RBM44: variants seen among roughly 807,000 people sequenced by gnomAD.
RBM44 encodes RNA binding motif protein 44.
In RBM44, 66 loss-of-function variants were observed where a neutral mutation model predicts 105.1. The ratio of observed to expected loss-of-function variants is 0.63; its 90% confidence interval spans 0.52 to 0.77. The LOEUF (loss-of-function observed/expected upper bound fraction) is 0.77, where lower values mean the gene tolerates loss of function less well. Ranked by LOEUF, RBM44 falls within the 30% of genes least tolerant of loss-of-function variation. The pLI is 0.00. For synonymous variants in RBM44, 365 were observed against 417.6 expected, an observed-to-expected ratio of 0.87 and a Z score of 1.54; for missense variants, 1,122 against 1,207.8, an observed-to-expected ratio of 0.93 and a Z score of 1.05.
At chr2:237,800,550 G>T (rs1054085063) in intron 1 of RBM44, among the ~76,000 whole-genome samples, 3 of 152,190 alleles carry the variant, frequency 2.0e-5, no homozygotes, top group African/African-American at 7.2e-5. Flanking sequence ...AGATAGTGTT[G>T]CTCTTCTCAC....
chr2:237,839,702 C>T (rs570970191), intron 15 of RBM44, among the ~76,000 whole-genome samples: 4 of 152,128 alleles, frequency 2.6e-5, no homozygotes, highest in South Asian at 2.1e-4. Flanking sequence ...TAGAAGAAAA[C>T]GGTGGAAAAC....
Position 237,834,351 on chromosome 2 carries a change from A to G in RBM44, c.3106A>G (p.Thr1036Ala), listed in dbSNP as rs1385504316. 1 of 1,555,232 alleles carries G rather than the reference A, an allele frequency of 6.4e-7. No homozygotes were observed. Among genetic ancestry groups the G allele is most frequent in the Non-Finnish European group, 8.7e-7 (1 of 1,149,214 alleles). ...TTTTCTGAATGGCTTATCTATTACT[A>G]CTATTGTGGAGATGACTTCATCTCT... is the stretch of plus-strand genomic sequence containing the variant. ...KGFLNGLSIT[T>A]IVEMTSSLLK... Residue 1036 changes from threonine (T) to alanine (A), a missense_variant, in exon 15 of 16, where the codon ACT becomes GCT. Transcript: ENST00000316997.
At chr2:237,813,739 G>T in intron 2 of RBM44, 57 bp downstream of exon 2, 2 of 1,133,460 alleles carry the variant, frequency 1.8e-6, no homozygotes, top group Non-Finnish European at 2.7e-6. Context: ...TAAATGTATT[G>T]TGCCAGACAG....
chr2:237,821,654 T>G, intron 7 of RBM44, 89 bp from the exon 8 acceptor site: 1 of 907,434 alleles, frequency 1.1e-6, no homozygotes, highest in South Asian at 1.5e-5. Context: ...CTCTTTTAGC[T>G]ACTTTGAAAT....
intron 1 of RBM44, among the ~76,000 whole-genome samples, chr2:237,812,722 G>A (rs2061672008): frequency 1.3e-5 from 2 of 152,130 alleles, no homozygotes; most frequent in Non-Finnish European, 2.9e-5. Flanking sequence ...GTGACAATAA[G>A]TAGGGGACAG....
intron 2 of RBM44, 142 bp downstream of exon 2, chr2:237,813,824 C>G: frequency 5.0e-6 from 3 of 594,238 alleles, no homozygotes. Flanking sequence ...TTTAACTTGC[C>G]AAATTGACTC....
Position 237,818,611 on chromosome 2 carries a change from A to T in RBM44, c.1677+15A>T, listed in dbSNP as rs1430982502. 1.0e-5 allele frequency: 15 copies of T among 1,451,066 alleles called. No individual in the cohort carries two copies. In the Admixed American group the frequency reaches 4.0e-4, roughly 39 times the overall value. 89.9% of individuals were successfully genotyped at this position (1,451,066 alleles called of 1,614,324 possible). ...TTCTAAATAAGGTAAAATCAATATGAGTAATAATAAAATTTGGACTTTATA... is the reference window on the plus strand; with the variant it reads ...TTCTAAATAAGGTAAAATCAATATGTGTAATAATAAAATTTGGACTTTATA... On this transcript the variant is annotated intron_variant, in intron 3 of 15. Coordinates refer to ENST00000316997, the MANE Select transcript of RBM44 (RefSeq NM_001080504.3). The surrounding 1 kb of genome is among the most constrained non-coding windows in gnomAD (Gnocchi z 4.6).
chr2:237,834,389 T>G lies in RBM44; in HGVS notation c.3144T>G (p.Ser1048=). The change falls in exon 15 of 16, where the codon TCT becomes TCG. Residue 1048 remains serine, a synonymous_variant. Transcript: ENST00000316997. ...TGACTTCATCTCTTCTGAAAAACTC[T>G]GCTTCCAGTTAGGAATTCAAAAAAC... ...VEMTSSLLKN[S]ASS is the part of the protein sequence containing the mutation. 1 of 1,519,552 alleles carries G rather than the reference T, an allele frequency of 6.6e-7. No homozygotes were observed. Among genetic ancestry groups the G allele is most frequent in the Middle Eastern group, 1.7e-4 (1 of 5,858 alleles). 94.1% of individuals were successfully genotyped at this position (1,519,552 alleles called of 1,614,324 possible). A position where few individuals can be genotyped will look rare whatever the true frequency, so the allele number is the denominator to read the frequency against.
At chr2:237,812,313 G>T (rs187955075) in intron 1 of RBM44, among the ~76,000 whole-genome samples, 10 of 152,248 alleles carry the variant, frequency 6.6e-5, no homozygotes, top group Non-Finnish European at 8.8e-5. Flanking sequence ...ATTCTTGAGA[G>T]TTGACTGTTT....
chr2:237,833,430 T>C (rs933760416), intron 13 of RBM44, among the ~76,000 whole-genome samples: 1 of 152,224 alleles, frequency 6.6e-6, no homozygotes, highest in African/African-American at 2.4e-5. Context: ...CTCTTCGCAA[T>C]AGAGGGTTCT....
intron 2 of RBM44, 126 bp downstream of exon 2, chr2:237,813,808 T>G (rs2061684465): frequency 1.6e-6 from 1 of 627,126 alleles, no homozygotes; most frequent in Non-Finnish European, 2.9e-6. Context: ...TAAGACTCAG[T>G]ATATTTTTAA....
intron 1 of RBM44, among the ~76,000 whole-genome samples, chr2:237,810,060 G>A (rs1472589676): frequency 6.6e-6 from 1 of 152,094 alleles, no homozygotes; most frequent in Non-Finnish European, 1.5e-5. Context: ...TATTTTTAAT[G>A]CTTTATTTAA....
At chr2:237,804,199 A>G (rs368028359) in intron 1 of RBM44, among the ~76,000 whole-genome samples, 2 of 152,292 alleles carry the variant, frequency 1.3e-5, no homozygotes, top group East Asian at 1.9e-4. Flanking sequence ...CTGGTCTACT[A>G]TTGATGGGCA....
intron 15 of RBM44, among the ~76,000 whole-genome samples, chr2:237,840,779 CA>C (rs2150994318): frequency 6.6e-6 from 1 of 152,188 alleles, no homozygotes; most frequent in East Asian, 1.9e-4. Context: ...ACATTTGTCT[CA>C]AAAGAATACA....
intron 15 of RBM44, among the ~76,000 whole-genome samples, chr2:237,838,373 T>C (rs2061979626): frequency 6.6e-6 from 1 of 152,114 alleles, no homozygotes; most frequent in East Asian, 1.9e-4. Context: ...GAAGAAGCCC[T>C]ACTCTAAAGA....
chr2:237,821,364 C>A lies in RBM44; in HGVS notation c.2116C>A (p.His706Asn), dbSNP rs2061787440. The A allele has an allele frequency of 1.3e-6, 2 of 1,557,130 alleles. No individual in the cohort carries two copies. Among genetic ancestry groups the A allele is most frequent in the African/African-American group, 2.7e-5 (2 of 73,224 alleles). Residue 706 changes from histidine (H) to asparagine (N), a missense_variant, in exon 7 of 16, where the codon CAT becomes AAT. This residue lies in a region of RBM44 where 918 missense variants were observed against 955.3 expected (regional missense o/e 0.96). Coordinates refer to ENST00000316997, the MANE Select transcript of RBM44 (RefSeq NM_001080504.3). ...FASRLMKKET[H>N]VFSEADAEQD... ...CTTCCAGCTAATGAAAAAAGAAACACATGTGTGAGTTATGGTTTCATTTGA... is the reference window on the plus strand; with the variant it reads ...CTTCCAGCTAATGAAAAAAGAAACAAATGTGTGAGTTATGGTTTCATTTGA...
intron 13 of RBM44, among the ~76,000 whole-genome samples, chr2:237,829,845 G>T (rs919974): frequency 6.6e-6 from 1 of 151,794 alleles, no homozygotes; most frequent in African/African-American, 2.4e-5. Context: ...TGTTAAAACC[G>T]TAAAATGTAG....
chr2:237,821,635 T>C (rs998129787), intron 7 of RBM44, 108 bp from the exon 8 acceptor site: 2 of 808,148 alleles, frequency 2.5e-6, no homozygotes, highest in African/African-American at 3.5e-5. Flanking sequence ...TAGGAACATT[T>C]CAAGTCCTCT....
chr2:237,814,489 G>C (rs1485787859), intron 2 of RBM44, among the ~76,000 whole-genome samples: 1 of 151,452 alleles, frequency 6.6e-6, no homozygotes, highest in Non-Finnish European at 1.5e-5. Context: ...ATCCCAATAG[G>C]GTATTTTATG....
Sources: allele counts gnomAD v4.1 joint callset (sites outside exome capture counted in the v4.1 genomes callset), GRCh38; gene constraint gnomAD v4.1.1; regional missense constraint gnomAD v4.1.1; non-coding constraint Gnocchi (gnomAD v3.1); transcripts MANE v1.5; gene names NCBI Gene and HGNC (gene_info 2026-07-23, HGNC 2026-07-21).